The following PCDHGA5 variants were observed in gnomAD, a reference collection of about 807,000 sequenced individuals.
PCDHGA5 encodes the protein protocadherin gamma subfamily A, 5, also known as protocadherin gamma-A5.
In PCDHGA5, 36 loss-of-function variants were observed where a neutral mutation model predicts 56.7. The ratio of observed to expected loss-of-function variants is 0.64; its 90% CI spans 0.49 to 0.84. PCDHGA5 has a LOEUF of 0.84. PCDHGA5 is among the 40% of genes least tolerant of loss of function. The pLI, the probability that PCDHGA5 is intolerant of heterozygous loss-of-function variation, is 0.00. For missense variants in PCDHGA5, 1,305 were observed against 1,201.5 expected, an observed-to-expected ratio of 1.09 and a Z score of -1.27; for synonymous variants, 563 against 520.2, an observed-to-expected ratio of 1.08 and a Z score of -1.12.
At chr5:141,398,014 C>T in intron 1 of PCDHGA5, 1 of 1,420,276 alleles carries the variant, frequency 7.0e-7, no homozygotes, top group South Asian at 1.5e-5. Context: ...AGAATCGTTT[C>T]CTAAACTGGA....
intron 1 of PCDHGA5, chr5:141,390,870 G>A (rs1003231489): frequency 2.2e-5 from 3 of 134,656 alleles, no homozygotes; most frequent in African/African-American, 9.4e-5. Context: ...GTGTGTGCGT[G>A]TGTGTGTGTG....
At chr5:141,395,558 G>T (rs60237573) in intron 1 of PCDHGA5, 12 of 127,934 alleles carry the variant, frequency 9.4e-5, no homozygotes, top group African/African-American at 5.1e-4. Context: ...GTGTGTGTGT[G>T]TGTGTGTGTG....
chr5:141,383,705 T>C lies in PCDHGA5; in HGVS notation c.2421+16954T>C, dbSNP rs765563941. The C allele has an allele frequency of 5.0e-6, 8 of 1,614,020 alleles. No individual in the cohort carries two copies. In the South Asian group the frequency reaches 8.8e-5, roughly 18 times the overall value. ...CTGCTCACGGTACATGCTATCGACC[T>C]GGACGAGGGAGTCAATGGGGAAGTG... On this transcript the variant is annotated intron_variant, in intron 1 of 3. Transcript: ENST00000518069.
chr5:141,491,080 A>T lies in PCDHGA5; in HGVS notation c.2422-3727A>T. On this transcript the variant is annotated intron_variant, in intron 1 of 3. Transcript: ENST00000518069. This position sits in a 1 kb window ranked among gnomAD's most constrained non-coding sequence, Gnocchi z 6.9. ...CTCCTACTCACTGTTGCCACAGTCC[A>T]CAGCCCCAGGACTGTTCCTCGTGTC... The T allele has an allele frequency of 6.2e-7, 1 of 1,614,116 alleles. No individual in the cohort carries two copies. Among genetic ancestry groups the T allele is most frequent in the Non-Finnish European group, 8.5e-7 (1 of 1,179,994 alleles).
At chr5:141,409,200 T>A in intron 1 of PCDHGA5, 1 of 1,614,020 alleles carries the variant, frequency 6.2e-7, no homozygotes, top group Non-Finnish European at 8.5e-7. Flanking sequence ...CAGTGTAAAG[T>A]AATCATAGAA....
chr5:141,366,085 C>T lies in PCDHGA5; in HGVS notation c.1755C>T (p.Gly585=). Residue 585 remains glycine, a synonymous_variant, in exon 1 of 4, where the codon GGC becomes GGT. Coordinates refer to ENST00000518069, the MANE Select transcript of PCDHGA5 (RefSeq NM_018918.3). ...TGGCGCCTCGCTCCGCAGAACCTGG[C>T]TACCTGGTGACCAAGGTGGTAGCGG... ...VELAPRSAEP[G]YLVTKVVAVD... 1 of 1,614,268 alleles carries T rather than the reference C, an allele frequency of 6.2e-7. No individual in the cohort carries two copies. The highest frequency in any genetic ancestry group is 8.5e-7 in the Non-Finnish European group (1 of 1,180,052).
At chr5:141,382,364 T>C (rs919179170) in intron 1 of PCDHGA5, among the ~76,000 whole-genome samples, 3 of 152,264 alleles carry the variant, frequency 2.0e-5, no homozygotes, top group African/African-American at 7.2e-5. Flanking sequence ...AAATAAAATT[T>C]ACCTTTTTGC....
intron 1 of PCDHGA5, chr5:141,423,809 GT>G (rs1484832928): frequency 7.9e-7 from 1 of 1,259,912 alleles, no homozygotes; most frequent in African/African-American, 1.6e-5. Context: ...ATACATGTGA[GT>G]TTTACTTTGC....
intron 1 of PCDHGA5, chr5:141,427,749 A>G (rs770208196): frequency 4.6e-6 from 6 of 1,299,142 alleles, no homozygotes; most frequent in South Asian, 2.4e-5. Context: ...CTCCTACTCC[A>G]TCGTTACCAC....
intron 1 of PCDHGA5, chr5:141,392,161 C>T (rs2092476241): frequency 6.6e-6 from 1 of 152,200 alleles, no homozygotes; most frequent in African/African-American, 2.4e-5. Context: ...AAAACAATTT[C>T]TGAGTCAGTC....
rs770630741 is a variant in PCDHGA5, at chr5:141,381,826, C to CTTTTTT, written c.2421+15092_2421+15097dup. Among the ~76,000 whole-genome samples, 197 of 74,234 alleles carry CTTTTTT rather than the reference C, an allele frequency of 2.7e-3. 2 individuals carry two copies. Among genetic ancestry groups the CTTTTTT allele is most frequent in the African/African-American group, 3.6e-3 (59 of 16,186 alleles). The allele number at this position is 74,234 out of a possible 152,430, so 48.7% of individuals were successfully genotyped here. A position where few individuals can be genotyped will look rare whatever the true frequency, so the allele number is the denominator to read the frequency against. On this transcript the variant is annotated intron_variant, in intron 1 of 3. Coordinates refer to ENST00000518069, the MANE Select transcript of PCDHGA5 (RefSeq NM_018918.3). ...TTTCTTTCTTTCTTTCTTTCTTCTT[C>CTTTTTT]TTTTTTTTTTTTTTTTTTTTTTGGC...
At chr5:141,492,727 G>A (rs2099743408) in intron 1 of PCDHGA5, among the ~76,000 whole-genome samples, 1 of 152,274 alleles carries the variant, frequency 6.6e-6, no homozygotes, top group South Asian at 2.1e-4. Flanking sequence ...GACAGGCAGA[G>A]CTGCCCAGTG....
chr5:141,427,983 C>G, intron 1 of PCDHGA5: 2 of 1,596,840 alleles, frequency 1.3e-6, no homozygotes, highest in South Asian at 2.2e-5. Context: ...CGCGCTGGGG[C>G]CCGATGGCTC....
chr5:141,491,454 C>G lies in PCDHGA5; in HGVS notation c.2422-3353C>G. ...GCTGCAGGCGCCAGGACTCACCCTCCCCGGACTTCTATAAGCAGTCCAGCC... is the reference window on the plus strand; with the variant it reads ...GCTGCAGGCGCCAGGACTCACCCTCGCCGGACTTCTATAAGCAGTCCAGCC... On this transcript the variant is annotated intron_variant, in intron 1 of 3. Coordinates refer to ENST00000518069, the MANE Select transcript of PCDHGA5 (RefSeq NM_018918.3). This position sits in a 1 kb window ranked among gnomAD's most constrained non-coding sequence, Gnocchi z 6.9. The G allele has an allele frequency of 6.2e-7, 1 of 1,614,120 alleles. No individual in the cohort carries two copies. Among genetic ancestry groups the G allele is most frequent in the Non-Finnish European group, 8.5e-7 (1 of 1,180,032 alleles).
At chr5:141,413,840 G>T (rs1323659502) in intron 1 of PCDHGA5, 1 of 1,613,306 alleles carries the variant, frequency 6.2e-7, no homozygotes, top group Non-Finnish European at 8.5e-7. Flanking sequence ...TCCGACGGGG[G>T]TGACCCTCTC....
intron 1 of PCDHGA5, chr5:141,412,334 T>C (rs371361193): frequency 2.0e-5 from 3 of 152,262 alleles, no homozygotes; most frequent in Admixed American, 1.3e-4. Flanking sequence ...GCAACTGTAA[T>C]ATATGTTCAT....
At chr5:141,427,056 T>C (rs1472513807) in intron 1 of PCDHGA5, 1 of 457,676 alleles carries the variant, frequency 2.2e-6, no homozygotes, top group Non-Finnish European at 4.4e-6. Flanking sequence ...CCCAGGCACC[T>C]CTGTACTAAA....
chr5:141,423,605 T>G lies in PCDHGA5; in HGVS notation c.2421+56854T>G. The G allele has an allele frequency of 1.6e-5, 26 of 1,612,620 alleles. No individual in the cohort carries two copies. Among genetic ancestry groups the G allele is most frequent in the Non-Finnish European group, 2.0e-5 (24 of 1,179,120 alleles). On this transcript the variant is annotated intron_variant, in intron 1 of 3. Transcript: ENST00000518069. Reference sequence around the variant, plus strand: ...AGCTGTGAGAAAAGCGAGCCACTCTTGATAGCTGAAGACTCAGCTATCATT... The same window carrying G: ...AGCTGTGAGAAAAGCGAGCCACTCTGGATAGCTGAAGACTCAGCTATCATT...
intron 1 of PCDHGA5, among the ~76,000 whole-genome samples, chr5:141,457,274 C>T (rs1307741345): frequency 1.3e-5 from 2 of 152,200 alleles, no homozygotes; most frequent in Non-Finnish European, 2.9e-5. Context: ...CCTCTGTGGG[C>T]CTACGAAGTT....
Sources: gnomAD v4.1 joint callset for allele counts (sites outside exome capture counted in the v4.1 genomes callset) on GRCh38, gnomAD v4.1.1 for gene constraint, Gnocchi (gnomAD v3.1) non-coding constraint, MANE v1.5 for transcripts, NCBI Gene and HGNC (gene_info 2026-07-23, HGNC 2026-07-21) for gene names.